DYSF: variants seen among roughly 807,000 people sequenced by gnomAD.
DYSF encodes dysferlin.
DYSF carries 212 observed loss-of-function variants against 274.9 expected under a neutral mutation model. The observed-to-expected ratio is 0.77, with a 90% CI of 0.69 to 0.86. DYSF has a LOEUF of 0.86. Among genes scored for constraint, DYSF ranks in the 40% least tolerant of loss-of-function variants. The probability of loss-of-function intolerance (pLI) is 0.00; values close to 1 mark genes in which losing one functional copy is unlikely to be tolerated. For missense variants in DYSF, 2,666 were observed against 2,783.2 expected (o/e 0.96, Z 0.95); for synonymous variants, 1,091 against 1,078.7 (o/e 1.01, Z -0.22).
At chr2:71,545,062 G>A (rs1265418887) in intron 17 of DYSF, among the ~76,000 whole-genome samples, 1 of 152,182 alleles carries the variant, frequency 6.6e-6, no homozygotes, top group East Asian at 1.9e-4. Flanking sequence ...GTAGGGGAGA[G>A]CTGCTTCTGC....
At chr2:71,512,847 G>T (rs905337963) in intron 5 of DYSF, among the ~76,000 whole-genome samples, 3 of 152,212 alleles carry the variant, frequency 2.0e-5, no homozygotes, top group Admixed American at 6.5e-5. Context: ...TCTTGTTGGG[G>T]CTCAGCACTG....
intron 29 of DYSF, among the ~76,000 whole-genome samples, chr2:71,571,504 C>T (rs1191228961): frequency 3.5e-5 from 5 of 144,110 alleles, no homozygotes; most frequent in Admixed American, 1.4e-4. Flanking sequence ...GCACAGATCA[C>T]ACCCACCACA....
chr2:71,612,809 A>T lies in DYSF; in HGVS notation c.4387+3A>T, dbSNP rs1193292628. On this transcript the variant is annotated splice_donor_region_variant and intron_variant, in intron 39 of 55. Coordinates refer to ENST00000410020, the MANE Select transcript of DYSF (RefSeq NM_001130987.2). ...TCCATCCCCACAGGGTGGCCCAGGT[A>T]GGGGAAGGGGAGATGATGGGCAGGT... The T allele has an allele frequency of 6.2e-7, 1 of 1,609,244 alleles. No individual in the cohort carries two copies. The highest frequency in any genetic ancestry group is 8.5e-7 in the Non-Finnish European group (1 of 1,176,304).
chr2:71,538,502 T>C (rs2089612383), intron 16 of DYSF, among the ~76,000 whole-genome samples: 1 of 152,210 alleles, frequency 6.6e-6, no homozygotes, highest in South Asian at 2.1e-4. Flanking sequence ...CTTCCTCTCC[T>C]GATGACCTTG....
At chr2:71,628,982 GTTTAA>G (rs1286776771) in intron 41 of DYSF, among the ~76,000 whole-genome samples, 3 of 152,172 alleles carry the variant, frequency 2.0e-5, no homozygotes, top group East Asian at 1.9e-4. Context: ...AGTAAAATTA[GTTTAA>G]TTTAATTTTT....
intron 14 of DYSF, among the ~76,000 whole-genome samples, chr2:71,529,808 T>A (rs1439092695): frequency 1.3e-5 from 2 of 152,256 alleles, no homozygotes; most frequent in Non-Finnish European, 2.9e-5. Context: ...CTCATTATCA[T>A]TCTTTTTCTC....
chr2:71,642,428 G>T (rs534017017), intron 41 of DYSF, among the ~76,000 whole-genome samples: 1 of 152,338 alleles, frequency 6.6e-6, no homozygotes, highest in Admixed American at 6.5e-5. Context: ...GTCTGTATAT[G>T]TGTGTCACCC....
At chr2:71,496,576 G>C (rs2084421241) in intron 3 of DYSF, among the ~76,000 whole-genome samples, 1 of 152,096 alleles carries the variant, frequency 6.6e-6, no homozygotes, top group Admixed American at 6.6e-5. Flanking sequence ...GGGCTGTCCT[G>C]AGTTGCTGGA....
At chr2:71,510,150 C>T (rs907333230) in intron 4 of DYSF, among the ~76,000 whole-genome samples, 6 of 152,222 alleles carry the variant, frequency 3.9e-5, no homozygotes, top group African/African-American at 1.4e-4. Context: ...GGTCCAGGCT[C>T]ATCTTGTATC....
Position 71,546,107 on chromosome 2 carries a change from G to A in DYSF, c.1577-4934G>A, listed in dbSNP as rs184641208. ...GACTCTGCCGACCCGTTCCTGCAGA[G>A]GTGGGTCCCTTTCTGGGGCCAGGGC... On this transcript the variant is annotated intron_variant, in intron 17 of 55. Transcript: ENST00000410020. Among the ~76,000 whole-genome samples the A allele has an allele frequency of 3.5e-4, 54 of 152,398 alleles. 2 individuals are homozygous for A. In the East Asian group the frequency reaches 8.7e-3, roughly 24 times the overall value.
chr2:71,617,925 GT>G (rs2093943755), intron 40 of DYSF, among the ~76,000 whole-genome samples: 1 of 113,550 alleles, frequency 8.8e-6, no homozygotes, highest in Admixed American at 9.4e-5. Flanking sequence ...TGTGTGTGTG[GT>G]AGAGGTGTGT....
At chr2:71,495,555 C>A (rs577035185) in intron 3 of DYSF, among the ~76,000 whole-genome samples, 2 of 152,298 alleles carry the variant, frequency 1.3e-5, no homozygotes, top group African/African-American at 2.4e-5. Flanking sequence ...AGAACAGGAG[C>A]TATGTGGCCT....
intron 41 of DYSF, among the ~76,000 whole-genome samples, chr2:71,635,688 G>C (rs1032513304): frequency 7.0e-6 from 1 of 143,402 alleles, no homozygotes. Context: ...GGCAGAGCTT[G>C]CAGTGAGCCG....
At chr2:71,516,729 G>C (rs553398382) in intron 9 of DYSF, among the ~76,000 whole-genome samples, 4 of 152,280 alleles carry the variant, frequency 2.6e-5, no homozygotes, top group African/African-American at 9.6e-5. Flanking sequence ...CACTAGAGTG[G>C]ATTCCAGCTC....
chr2:71,569,465 CATATT>C (rs1186536032), intron 26 of DYSF, among the ~76,000 whole-genome samples: 1 of 152,184 alleles, frequency 6.6e-6, no homozygotes, highest in Non-Finnish European at 1.5e-5. Context: ...TGAAGTATAA[CATATT>C]ATACAGTCAA....
chr2:71,631,887 G>A (rs2094320676), intron 41 of DYSF, among the ~76,000 whole-genome samples: 2 of 152,014 alleles, frequency 1.3e-5, no homozygotes, highest in Non-Finnish European at 2.9e-5. Context: ...AAACTTGTCT[G>A]GCAAACTTCA....
At chr2:71,553,753 T>TCCCCCCCCCCCCCCCCCCCCTGC in intron 20 of DYSF, 54 bp from the exon 21 acceptor site, 2 of 567,530 alleles carry the variant, frequency 3.5e-6, no homozygotes, top group Non-Finnish European at 6.0e-6. Context: ...TAGCACCCCA[T>TCCCCCCCCCCCCCCCCCCCCTGC]CCCACCCGCC....
intron 42 of DYSF, among the ~76,000 whole-genome samples, chr2:71,654,972 A>T (rs1258984578): frequency 1.3e-5 from 2 of 151,972 alleles, no homozygotes; most frequent in African/African-American, 4.8e-5. Flanking sequence ...GCACGCCTGT[A>T]CTCCCAGCTA....
At chr2:71,610,510 T>C (rs1222246471) in intron 36 of DYSF, among the ~76,000 whole-genome samples, 12 of 152,214 alleles carry the variant, frequency 7.9e-5, no homozygotes, top group Non-Finnish European at 1.0e-4. Flanking sequence ...CTTCCTCATG[T>C]AGTTCTTTGT....
Sources: gnomAD v4.1 joint callset for allele counts (sites outside exome capture counted in the v4.1 genomes callset) on GRCh38, gnomAD v4.1.1 for gene constraint, MANE v1.5 for transcripts, NCBI Gene and HGNC (gene_info 2026-07-23, HGNC 2026-07-21) for gene names.